Variants in ATPAF2 observed in about 807,000 individuals in gnomAD.
ATPAF2 encodes the protein ATP synthase mitochondrial F1 complex assembly factor 2, also known as ATP12 homolog.
ATPAF2 carries 30 observed loss-of-function variants against 36.6 expected under a neutral mutation model. That is an observed-to-expected ratio of 0.82 (90% CI 0.61 to 1.11). The LOEUF (loss-of-function observed/expected upper bound fraction) is 1.11, where lower values mean the gene tolerates loss of function less well. Ranked by LOEUF, ATPAF2 falls within the 50% of genes most tolerant of loss-of-function variation. The probability of loss-of-function intolerance (pLI) is 0.00; values close to 1 mark genes in which losing one functional copy is unlikely to be tolerated. For missense variants in ATPAF2, 321 were observed against 372.3 expected, an observed-to-expected ratio of 0.86 and a Z score of 1.13; for synonymous variants, 140 against 152.6, an observed-to-expected ratio of 0.92 and a Z score of 0.61.
Position 18,032,119 on chromosome 17 carries a change from C to T in ATPAF2, c.134-3460G>A, listed in dbSNP as rs1449903206. On this transcript the variant is annotated intron_variant, in intron 1 of 7. Transcript: ENST00000474627. ...TTGGGAAGGGCTCTGAAAGCTCTGACTCAACACTGGGGAAAGGGTCTTCCC... is the reference window on the plus strand; with the variant it reads ...TTGGGAAGGGCTCTGAAAGCTCTGATTCAACACTGGGGAAAGGGTCTTCCC... Among the ~76,000 whole-genome samples the T allele has an allele frequency of 3.3e-5, 5 of 152,342 alleles. 1 individual carries two copies. Among genetic ancestry groups the T allele is most frequent in the Middle Eastern group, 6.8e-3 (2 of 294 alleles).
chr17:18,025,046 C>T, intron 4 of ATPAF2: 4 of 378,058 alleles, frequency 1.1e-5, no homozygotes, highest in South Asian at 6.5e-5. Context: ...TTGACAGGTC[C>T]AAGCTTGCCA....
chr17:18,034,520 A>G (rs1004146114), intron 1 of ATPAF2, among the ~76,000 whole-genome samples: 4 of 152,260 alleles, frequency 2.6e-5, no homozygotes, highest in African/African-American at 9.6e-5. Context: ...AGAAATGCAA[A>G]TCAAAACCAC....
chr17:18,030,890 G>GTCT (rs1338293624), intron 1 of ATPAF2, among the ~76,000 whole-genome samples: 2 of 132,784 alleles, frequency 1.5e-5, no homozygotes, highest in Admixed American at 1.7e-4. Flanking sequence ...AGCCAGGATG[G>GTCT]TCTTGATCTC....
chr17:18,020,723 G>A, intron 7 of ATPAF2: 1 of 164,776 alleles, frequency 6.1e-6, no homozygotes, highest in Non-Finnish European at 1.3e-5. Context: ...CTGTCACCCA[G>A]GCTAGAATGC....
rs184876078 is a variant in ATPAF2 at position 18,034,751 on chromosome 17, C to T, written c.133+4130G>A. Among the ~76,000 whole-genome samples the T allele has an allele frequency of 1.7e-3, 253 of 151,968 alleles. 1 individual carries two copies. The highest frequency in any genetic ancestry group is 0.01 in the Middle Eastern group (3 of 294). ...GGTATATGTCCAAGAGAAATGAAAA[C>T]ATATGTCCACACAAAAACTTGTACA... On this transcript the variant is annotated intron_variant, in intron 1 of 7. Coordinates refer to ENST00000474627, the MANE Select transcript of ATPAF2 (RefSeq NM_145691.4).
At chr17:18,033,098 G>A (rs1329779667) in intron 1 of ATPAF2, among the ~76,000 whole-genome samples, 2 of 152,078 alleles carry the variant, frequency 1.3e-5, no homozygotes, top group Admixed American at 6.5e-5. Flanking sequence ...GCCGGGCATG[G>A]TGGCTCATGC....
intron 3 of ATPAF2, chr17:18,027,872 G>T: frequency 6.3e-6 from 2 of 316,548 alleles, no homozygotes; most frequent in Non-Finnish European, 1.2e-5. Flanking sequence ...CAGTGGAAGA[G>T]ACAGACAATA....
chr17:18,027,275 T>C (rs1333122027), intron 3 of ATPAF2, among the ~76,000 whole-genome samples: 1 of 152,086 alleles, frequency 6.6e-6, no homozygotes, highest in African/African-American at 2.4e-5. Flanking sequence ...ATAGGCTGCT[T>C]AGGTTACCCT....
chr17:18,028,416 A>C, intron 2 of ATPAF2, 39 bp from the exon 3 acceptor site: 4 of 1,608,632 alleles, frequency 2.5e-6, no homozygotes, highest in Non-Finnish European at 3.4e-6. Context: ...GGATTTGTTA[A>C]GTGGAATCAA....
chr17:18,034,315 G>C (rs906748036), intron 1 of ATPAF2, among the ~76,000 whole-genome samples: 3 of 152,124 alleles, frequency 2.0e-5, no homozygotes, highest in Non-Finnish European at 2.9e-5. Flanking sequence ...TGAGGTGTGA[G>C]GCTCGCTTGA....
chr17:18,016,878 A>G (rs1340022829), downstream of ATPAF2: 3 of 410,670 alleles, frequency 7.3e-6, no homozygotes, highest in Non-Finnish European at 1.3e-5. Context: ...ACTCATAAAA[A>G]AAAAAAAAAA....
At chr17:18,031,669 A>T (rs1018514611) in intron 1 of ATPAF2, among the ~76,000 whole-genome samples, 2 of 152,066 alleles carry the variant, frequency 1.3e-5, no homozygotes, top group African/African-American at 4.8e-5. Context: ...AGTCCCAGCT[A>T]CTTGGGAGGC....
chr17:18,038,057 T>C (rs1014163863), intron 1 of ATPAF2, among the ~76,000 whole-genome samples: 4 of 152,258 alleles, frequency 2.6e-5, no homozygotes, highest in African/African-American at 9.6e-5. Context: ...CAGAATATTA[T>C]AACCTTTTGC....
At chr17:18,019,293 C>T (rs1568564124) in intron 7 of ATPAF2, among the ~76,000 whole-genome samples, 1 of 152,186 alleles carries the variant, frequency 6.6e-6, no homozygotes, top group Non-Finnish European at 1.5e-5. Context: ...CAGTGGCTGC[C>T]CACCCACCAC....
rs765080314 is a variant in ATPAF2, at chr17:18,028,164, G to A, written c.324+68C>T. ...GCCCCCAGGGCCTTGTCGGAATTTGGTAAAGGGTCTACCCTACGAAGCCCT... is the reference window on the plus strand; with the variant it reads ...GCCCCCAGGGCCTTGTCGGAATTTGATAAAGGGTCTACCCTACGAAGCCCT... On this transcript the variant is annotated intron_variant, in intron 3 of 7. Coordinates refer to ENST00000474627, the MANE Select transcript of ATPAF2 (RefSeq NM_145691.4). 5.9e-5 allele frequency: 94 copies of A among 1,604,988 alleles called. 1 individual carries two copies. In the Middle Eastern group the frequency reaches 6.7e-4, roughly 11 times the overall value.
At chr17:18,019,620 G>A (rs746211227) in intron 7 of ATPAF2, among the ~76,000 whole-genome samples, 5 of 152,220 alleles carry the variant, frequency 3.3e-5, no homozygotes, top group Admixed American at 6.5e-5. Context: ...TCAGACACAC[G>A]ATGTGGCTGT....
At chr17:18,029,032 T>C (rs1461087612) in intron 1 of ATPAF2, among the ~76,000 whole-genome samples, 1 of 152,114 alleles carries the variant, frequency 6.6e-6, no homozygotes, top group South Asian at 2.1e-4. Context: ...GGGACAAAGC[T>C]AGAGACCCAT....
downstream of ATPAF2, chr17:18,016,370 A>G (rs1277006469): frequency 3.6e-6 from 3 of 837,098 alleles, no homozygotes; most frequent in Non-Finnish European, 5.6e-6. Context: ...TTTAAAACCC[A>G]TGGGCTTCAT....
intron 1 of ATPAF2, 91 bp from the exon 2 acceptor site, chr17:18,028,750 GTTGA>G (rs1567576574): frequency 4.2e-6 from 5 of 1,185,598 alleles, no homozygotes; most frequent in Non-Finnish European, 6.3e-6. Context: ...TACTGCTAAT[GTTGA>G]TTGATTGGCT....
Sources: gnomAD v4.1 joint callset for allele counts (sites outside exome capture counted in the v4.1 genomes callset) on GRCh38, gnomAD v4.1.1 for gene constraint, MANE v1.5 for transcripts, NCBI Gene and HGNC (gene_info 2026-07-23, HGNC 2026-07-21) for gene names.